ENOX1: variants seen among roughly 807,000 people sequenced by gnomAD.
ENOX1 encodes the protein candidate growth-related and time keeping constitutive hydroquinone (NADH) oxidase.
A neutral mutation model predicts 82.5 loss-of-function variants in ENOX1; 42 were observed. The ratio of observed to expected loss-of-function variants is 0.51; its 90% confidence interval spans 0.40 to 0.66. The LOEUF is 0.66. Ranked by LOEUF, ENOX1 falls within the 30% of genes least tolerant of loss-of-function variation. The pLI, the probability that ENOX1 is intolerant of heterozygous loss-of-function variation, is 0.00. For synonymous variants in ENOX1, 271 were observed against 282.2 expected (o/e 0.96, Z 0.40); for missense variants, 608 against 811.6 (o/e 0.75, Z 3.05).
At chr13:43,336,975 T>C (rs1169764151) in intron 9 of ENOX1, among the ~76,000 whole-genome samples, 1 of 152,182 alleles carries the variant, frequency 6.6e-6, no homozygotes, top group Non-Finnish European at 1.5e-5. Flanking sequence ...ATGTATAAAG[T>C]TGCATGACAG....
intron 5 of ENOX1, among the ~76,000 whole-genome samples, chr13:43,377,925 T>C (rs1168932254): frequency 1.3e-5 from 2 of 152,172 alleles, no homozygotes; most frequent in Non-Finnish European, 2.9e-5. Context: ...ATATCACTGT[T>C]TTAGGCCAGC....
chr13:43,654,999 T>A (rs922629213), intron 2 of ENOX1, among the ~76,000 whole-genome samples: 1 of 152,192 alleles, frequency 6.6e-6, no homozygotes, highest in African/African-American at 2.4e-5. Flanking sequence ...CTCACAGTAT[T>A]TGCTGCCACA....
chr13:43,508,464 C>A (rs577280084), intron 2 of ENOX1, among the ~76,000 whole-genome samples: 1 of 152,052 alleles, frequency 6.6e-6, no homozygotes, highest in South Asian at 2.1e-4. Flanking sequence ...ATTTTTGTTA[C>A]AGCAACACAG....
intron 2 of ENOX1, among the ~76,000 whole-genome samples, chr13:43,526,600 A>G (rs60140498): frequency 0.012 from 1,802 of 152,280 alleles, 40 homozygotes; most frequent in African/African-American, 0.041. Context: ...ATATTCTAAA[A>G]TGAATTAATG....
chr13:43,761,017 A>G (rs1950937171), intron 1 of ENOX1, among the ~76,000 whole-genome samples: 1 of 152,130 alleles, frequency 6.6e-6, no homozygotes, highest in African/African-American at 2.4e-5. Context: ...TTCCTGGGAT[A>G]TGAAAAAGGC....
intron 3 of ENOX1, among the ~76,000 whole-genome samples, chr13:43,456,734 C>T (rs2057249298): frequency 1.3e-5 from 2 of 152,194 alleles, no homozygotes. Context: ...CCTGATACCT[C>T]ACATAGGGTT....
intron 2 of ENOX1, among the ~76,000 whole-genome samples, chr13:43,614,542 C>CTTTTT (rs9316046): frequency 0.011 from 1,468 of 129,784 alleles, 41 homozygotes; most frequent in South Asian, 0.023. Context: ...AAATAAAGGG[C>CTTTTT]TTTTTTTTTT....
Position 43,416,173 on chromosome 13 carries a change from G to T in ENOX1, c.-74-3185C>A, listed in dbSNP as rs1385723618. Reference sequence around the variant, plus strand: ...CCTCAGTTCCCAGATGGGGCAGCCGGACAGAAGCGCTCCTCACATCCCAGA... The same window carrying T: ...CCTCAGTTCCCAGATGGGGCAGCCGTACAGAAGCGCTCCTCACATCCCAGA... On this transcript the variant is annotated intron_variant, in intron 3 of 16. Coordinates refer to ENST00000690772, the MANE Select transcript of ENOX1 (RefSeq NM_001347969.2). Among the ~76,000 whole-genome samples the T allele has an allele frequency of 2.6e-4, 31 of 121,062 alleles. 3 individuals are homozygous for T. The highest frequency in any genetic ancestry group is 7.8e-4 in the East Asian group (3 of 3,836). The allele number at this position is 121,062 out of a possible 152,430, so 79.4% of individuals were successfully genotyped here. A position where few individuals can be genotyped will look rare whatever the true frequency, so the allele number is the denominator to read the frequency against.
intron 11 of ENOX1, among the ~76,000 whole-genome samples, chr13:43,320,481 C>T (rs969963583): frequency 2.6e-5 from 4 of 152,128 alleles, no homozygotes; most frequent in Admixed American, 6.5e-5. Flanking sequence ...ATCACATCTC[C>T]GTCGATGCTT....
chr13:43,226,118 C>G (rs2042011740), intron 15 of ENOX1, among the ~76,000 whole-genome samples: 1 of 151,970 alleles, frequency 6.6e-6, no homozygotes, highest in Non-Finnish European at 1.5e-5. Context: ...CAGCTACTTC[C>G]CTGTAACTGA....
chr13:43,504,048 T>A lies in ENOX1; in HGVS notation c.-218-19896A>T, dbSNP rs185820868. On this transcript the variant is annotated intron_variant, in intron 2 of 16. Coordinates refer to ENST00000690772, the MANE Select transcript of ENOX1 (RefSeq NM_001347969.2). ...AATGGGTAAAGAAACTGAGTAGACA[T>A]TTCTCTGAAGAAGACATACAGGTAT... is the stretch of plus-strand genomic sequence containing the variant. Among the ~76,000 whole-genome samples the A allele has an allele frequency of 6.2e-4, 94 of 151,862 alleles. 1 individual carries two copies. Among genetic ancestry groups the A allele is most frequent in the African/African-American group, 1.9e-3 (80 of 41,520 alleles).
At position 43,460,831 on chromosome 13, in the gene ENOX1, TA is replaced by T. The variant is rs1336468529; in HGVS notation, c.-75+23177del. On this transcript the variant is annotated intron_variant, in intron 3 of 16. Coordinates refer to ENST00000690772, the MANE Select transcript of ENOX1 (RefSeq NM_001347969.2). ...AAAAAAAAAAAAAAAAAAAAAAAAA[TA>T]GGGATAGCTCTCTACAAACCAAGGG... Among the ~76,000 whole-genome samples the T allele has an allele frequency of 1.5e-4, 6 of 38,866 alleles. 1 individual carries two copies. Among genetic ancestry groups the T allele is most frequent in the South Asian group, 1.3e-3 (1 of 756 alleles). The allele number at this position is 38,866 out of a possible 152,430, so 25.5% of individuals were successfully genotyped here.
Position 43,565,149 on chromosome 13 carries a change from C to A in ENOX1, c.-218-80997G>T, listed in dbSNP as rs915411456. Among the ~76,000 whole-genome samples, 44 of 151,884 alleles carry A rather than the reference C, an allele frequency of 2.9e-4. 1 individual carries two copies. The highest frequency in any genetic ancestry group is 1.0e-3 in the African/African-American group (42 of 41,352). ...CAGGTGCTGTCATGGGGTGGAAGGC[C>A]CCTCTGAGGAAGTGATATCTGAGTT... On this transcript the variant is annotated intron_variant, in intron 2 of 16. Transcript: ENST00000690772.
chr13:43,370,177 C>T (rs2051131542), intron 5 of ENOX1, among the ~76,000 whole-genome samples: 2 of 152,144 alleles, frequency 1.3e-5, no homozygotes, highest in Admixed American at 1.3e-4. Flanking sequence ...ACCAACCTGG[C>T]TAACACGGTG....
intron 5 of ENOX1, among the ~76,000 whole-genome samples, chr13:43,366,776 A>T (rs553243352): frequency 6.6e-6 from 1 of 152,330 alleles, no homozygotes; most frequent in Admixed American, 6.5e-5. Context: ...AATCATTCTA[A>T]GCCTCATTTA....
intron 14 of ENOX1, among the ~76,000 whole-genome samples, chr13:43,250,150 G>A (rs1228874221): frequency 3.3e-5 from 5 of 152,164 alleles, no homozygotes; most frequent in Admixed American, 6.5e-5. Context: ...GCTTCCTTAA[G>A]TTCACACACC....
intron 1 of ENOX1, among the ~76,000 whole-genome samples, chr13:43,679,096 A>G (rs1337983672): frequency 2.6e-5 from 4 of 152,160 alleles, no homozygotes; most frequent in Non-Finnish European, 4.4e-5. Flanking sequence ...AATATACTAT[A>G]CCCTCAACCA....
At chr13:43,414,063 T>C (rs2054300555) in intron 3 of ENOX1, among the ~76,000 whole-genome samples, 1 of 152,232 alleles carries the variant, frequency 6.6e-6, no homozygotes, top group South Asian at 2.1e-4. Context: ...TTTGACAGTG[T>C]ATCTAATGTG....
chr13:43,542,380 C>T (rs931896824), intron 2 of ENOX1, among the ~76,000 whole-genome samples: 2 of 151,664 alleles, frequency 1.3e-5, no homozygotes, highest in Admixed American at 6.6e-5. Context: ...GATCCACCCA[C>T]CTCAGACTCC....
Sources: allele counts gnomAD v4.1 joint callset (sites outside exome capture counted in the v4.1 genomes callset), GRCh38; gene constraint gnomAD v4.1.1; transcripts MANE v1.5; gene names NCBI Gene and HGNC (gene_info 2026-07-23, HGNC 2026-07-21).